The following ZFX variants were observed in gnomAD, a reference collection of about 807,000 sequenced individuals.
ZFX encodes zinc finger X-chromosomal protein.
For synonymous variants in ZFX, 196 were observed against 226.8 expected, an observed-to-expected ratio of 0.86 and a Z score of 1.22; for missense variants, 362 against 628.3, an observed-to-expected ratio of 0.58 and a Z score of 4.53.
At chrX:24,155,800 C>T (rs973347169) in intron 3 of ZFX, among the ~76,000 whole-genome samples, 13 of 112,563 alleles carry the variant, frequency 1.2e-4, no homozygotes, top group Non-Finnish European at 2.4e-4. Flanking sequence ...ATGTATTTAT[C>T]GGCCATCAGA....
intron 3 of ZFX, among the ~76,000 whole-genome samples, chrX:24,162,856 G>A (rs936026824): frequency 9.0e-6 from 1 of 110,681 alleles, no homozygotes; most frequent in Non-Finnish European, 1.9e-5. Flanking sequence ...TCCTCTCCCC[G>A]CTTCCTTCAT....
chrX:24,190,549 AAAGCATTAC>A (rs1163622497), intron 5 of ZFX, among the ~76,000 whole-genome samples: 1 of 112,249 alleles, frequency 8.9e-6, no homozygotes, highest in East Asian at 2.8e-4. Flanking sequence ...CTCTATTTTG[AAAGCATTAC>A]AAGCAATTGG....
At chrX:24,193,277 T>C (rs1041998607) in intron 5 of ZFX, among the ~76,000 whole-genome samples, 8 of 112,481 alleles carry the variant, frequency 7.1e-5, no homozygotes. Flanking sequence ...TAAGTTTTGT[T>C]GAATGCTGCA....
chrX:24,174,628 C>T (rs951612846), intron 4 of ZFX, among the ~76,000 whole-genome samples: 2 of 110,332 alleles, frequency 1.8e-5, no homozygotes, highest in Non-Finnish European at 1.9e-5. Flanking sequence ...CTCTTGACCT[C>T]GTGATTCGCC....
In ZFX at chrX:24,214,874, G is replaced by A. The variant is rs1487852625; in HGVS notation, c.*3498G>A. Reference sequence around the variant, plus strand: ...CCTCCACAACAGAAATCATGCCCTCGAGTTACCCCACTGCGCCCAGTTTAG... The same window carrying A: ...CCTCCACAACAGAAATCATGCCCTCAAGTTACCCCACTGCGCCCAGTTTAG... On this transcript the variant is annotated 3_prime_UTR_variant, in exon 10 of 10. Transcript: ENST00000304543. The A allele has an allele frequency of 9.0e-6, 1 of 111,180 alleles. No individual in the cohort carries two copies. The highest frequency in any genetic ancestry group is 1.9e-5 in the Non-Finnish European group (1 of 53,089). 9.2% of individuals were successfully genotyped at this position (111,180 alleles called of 1,213,427 possible).
At chrX:24,183,701 G>A (rs925389955) in intron 5 of ZFX, among the ~76,000 whole-genome samples, 1 of 108,955 alleles carries the variant, frequency 9.2e-6, no homozygotes, top group African/African-American at 3.3e-5. Flanking sequence ...TTCAGGCTAT[G>A]TGTATAAGGT....
intron 5 of ZFX, among the ~76,000 whole-genome samples, chrX:24,183,576 A>C (rs1005697252): frequency 6.3e-5 from 7 of 111,756 alleles, no homozygotes; most frequent in African/African-American, 2.0e-4. Flanking sequence ...TTCTAAGTAC[A>C]GACATGACAC....
chrX:24,207,594 T>G, intron 6 of ZFX, 118 bp from the exon 7 acceptor site: 1 of 1,118,603 alleles, frequency 8.9e-7, no homozygotes, highest in Non-Finnish European at 1.2e-6. Context: ...TATGTAAGAA[T>G]TCCGGTGTAG....
chrX:24,170,609 T>A (rs1287680759), intron 3 of ZFX, among the ~76,000 whole-genome samples: 1 of 83,727 alleles, frequency 1.2e-5, no homozygotes, highest in Non-Finnish European at 2.4e-5. Context: ...TTTTCTTTAA[T>A]TTTTTTTTTT....
At chrX:24,206,740 C>A (rs1488595826) in intron 5 of ZFX, among the ~76,000 whole-genome samples, 1 of 109,388 alleles carries the variant, frequency 9.1e-6, no homozygotes, top group Non-Finnish European at 1.9e-5. Context: ...GTGCTTTTAC[C>A]TTATGGCTTA....
At chrX:24,175,633 A>G (rs1459123576) in intron 4 of ZFX, among the ~76,000 whole-genome samples, 1 of 111,206 alleles carries the variant, frequency 9.0e-6, no homozygotes, top group African/African-American at 3.3e-5. Flanking sequence ...GCTGGAGTAC[A>G]GTGGCCATGA....
chrX:24,173,465 A>G (rs1026049305), intron 4 of ZFX: 15 of 899,996 alleles, frequency 1.7e-5, no homozygotes, highest in Middle Eastern at 4.4e-4. Flanking sequence ...CCCATAGTGT[A>G]CAAGGAAAAA....
chrX:24,200,587 T>G (rs191667358), intron 5 of ZFX, among the ~76,000 whole-genome samples: 1 of 111,219 alleles, frequency 9.0e-6, no homozygotes, highest in African/African-American at 3.4e-5. Flanking sequence ...AATATCTTAT[T>G]TTCACAAAAA....
chrX:24,163,005 T>C (rs1933518049), intron 3 of ZFX, among the ~76,000 whole-genome samples: 1 of 111,671 alleles, frequency 9.0e-6, no homozygotes, highest in African/African-American at 3.3e-5. Flanking sequence ...TCATCCATGT[T>C]TTAGCGTGTA....
In ZFX at chrX:24,152,808, G is replaced by A. The variant is rs1304564807; in HGVS notation, c.-51G>A. 1 of 112,451 alleles carries A rather than the reference G, an allele frequency of 8.9e-6. No homozygotes were observed. The highest frequency in any genetic ancestry group is 1.9e-5 in the Non-Finnish European group (1 of 53,311). 9.3% of individuals were successfully genotyped at this position (112,451 alleles called of 1,213,427 possible). ...GTGGATGTTCAAGATTAAGATTAGAGTCAAGTTGTGTGATTAAGACAGGTA... is the reference window on the plus strand; with the variant it reads ...GTGGATGTTCAAGATTAAGATTAGAATCAAGTTGTGTGATTAAGACAGGTA... On this transcript the variant is annotated 5_prime_UTR_variant, in exon 3 of 10. Coordinates refer to ENST00000304543, the MANE Select transcript of ZFX (RefSeq NM_003410.4).
chrX:24,207,540 T>C, intron 6 of ZFX, 65 bp downstream of exon 6: 4 of 1,159,595 alleles, frequency 3.4e-6, no homozygotes, highest in Non-Finnish European at 4.6e-6. Flanking sequence ...TACTTTTGGG[T>C]TATTTAGATT....
rs1420134660 is a variant in ZFX, at chrX:24,214,807, G to A, written c.*3431G>A. 8.9e-6 allele frequency: 1 copy of A among 111,875 alleles called. No individual in the cohort carries two copies. Among genetic ancestry groups the A allele is most frequent in the East Asian group, 2.8e-4 (1 of 3,595 alleles). 9.2% of individuals were successfully genotyped at this position (111,875 alleles called of 1,213,427 possible). A position where few individuals can be genotyped will look rare whatever the true frequency, so the allele number is the denominator to read the frequency against. ...TTGAGAGCACTTAAAGTTCATTTCA[G>A]TATTAATTTACAGCATATTTAATCA... is the stretch of plus-strand genomic sequence containing the variant. On this transcript the variant is annotated 3_prime_UTR_variant, in exon 10 of 10. Coordinates refer to ENST00000304543, the MANE Select transcript of ZFX (RefSeq NM_003410.4).
chrX:24,200,485 G>A (rs770832172), intron 5 of ZFX, among the ~76,000 whole-genome samples: 1 of 111,745 alleles, frequency 8.9e-6, no homozygotes, highest in Non-Finnish European at 1.9e-5. Context: ...GAGATCGTGG[G>A]CAAGGGAATG....
At chrX:24,186,465 A>C (rs770901285) in intron 5 of ZFX, among the ~76,000 whole-genome samples, 11 of 109,849 alleles carry the variant, frequency 1.0e-4, no homozygotes, top group East Asian at 5.7e-4. Flanking sequence ...ACAACCCCCC[A>C]AAAAAAAGAT....
Sources: gnomAD v4.1 joint callset for allele counts (sites outside exome capture counted in the v4.1 genomes callset) on GRCh38, gnomAD v4.1.1 for gene constraint, MANE v1.5 for transcripts, NCBI Gene and HGNC (gene_info 2026-07-23, HGNC 2026-07-21) for gene names.